DOC2B: variants seen among roughly 807,000 people sequenced by gnomAD.
The protein encoded by DOC2B is double C2 domain beta, also known as double C2-like domain-containing protein beta.
DOC2B carries 21 observed loss-of-function variants against 28.9 expected under a neutral mutation model. The observed-to-expected ratio is 0.73, with a 90% CI of 0.52 to 1.05. The LOEUF is 1.05. Ranked by LOEUF, DOC2B falls within the 50% of genes least tolerant of loss-of-function variation. The pLI is 0.00. For missense variants in DOC2B, 384 were observed against 421.1 expected, an observed-to-expected ratio of 0.91 and a Z score of 0.77; for synonymous variants, 194 against 178.1, an observed-to-expected ratio of 1.09 and a Z score of -0.71.
chr17:152,360 T>C (rs1555521888), intron 6 of DOC2B, among the ~76,000 whole-genome samples: 1 of 152,156 alleles, frequency 6.6e-6, no homozygotes, highest in Non-Finnish European at 1.5e-5. Context: ...TCAGCGATTG[T>C]CACAGGCACT....
intron 1 of DOC2B, among the ~76,000 whole-genome samples, chr17:178,103 T>G (rs1357932274): frequency 6.6e-6 from 1 of 152,252 alleles, no homozygotes; most frequent in African/African-American, 2.4e-5. Flanking sequence ...TTGTTACATG[T>G]GATGCCTGGA....
At chr17:163,786 C>A in intron 3 of DOC2B, 1 of 264,690 alleles carries the variant, frequency 3.8e-6, no homozygotes, top group Admixed American at 4.7e-5. Flanking sequence ...GTTATTTAAC[C>A]ACAGAGTCCT....
intron 1 of DOC2B, among the ~76,000 whole-genome samples, chr17:178,976 C>A (rs551589767): frequency 2.1e-4 from 32 of 152,354 alleles, no homozygotes; most frequent in African/African-American, 7.5e-4. Flanking sequence ...CCACCATGGA[C>A]AAGAGCCAAG....
At chr17:149,395 C>G (rs1220449300) in intron 6 of DOC2B, among the ~76,000 whole-genome samples, 1 of 152,144 alleles carries the variant, frequency 6.6e-6, no homozygotes, top group Non-Finnish European at 1.5e-5. Flanking sequence ...CTTCATCCAC[C>G]GCACTTCTGT....
At chr17:147,614 A>AC (rs1300101054) in intron 8 of DOC2B, 37 bp from the exon 9 acceptor site, 1 of 398,556 alleles carries the variant, frequency 2.5e-6, no homozygotes, top group Non-Finnish European at 4.4e-6. Flanking sequence ...GGGCACAGGG[A>AC]CCCCCAACTC....
intron 2 of DOC2B, among the ~76,000 whole-genome samples, chr17:171,897 C>T (rs1369893677): frequency 1.1e-5 from 1 of 94,032 alleles, no homozygotes; most frequent in African/African-American, 4.4e-5. Flanking sequence ...AGGGGAGCAC[C>T]AGGGGCCGGG....
intron 1 of DOC2B, among the ~76,000 whole-genome samples, chr17:174,136 T>G (rs2040342912): frequency 6.6e-6 from 1 of 152,168 alleles, no homozygotes. Flanking sequence ...GAGCTGGTGA[T>G]GGGAGTGGCA....
intron 2 of DOC2B, among the ~76,000 whole-genome samples, chr17:169,521 G>A (rs978558988): frequency 6.6e-6 from 1 of 152,040 alleles, no homozygotes; most frequent in Non-Finnish European, 1.5e-5. Flanking sequence ...AAAAGTGGTT[G>A]AGGTGGGAAA....
chr17:153,937 A>G (rs1456905164), intron 6 of DOC2B, among the ~76,000 whole-genome samples: 1 of 152,216 alleles, frequency 6.6e-6, no homozygotes, highest in South Asian at 2.1e-4. Context: ...CACACTGCCC[A>G]TGTCCCCTCA....
intron 1 of DOC2B, among the ~76,000 whole-genome samples, chr17:173,897 G>A (rs896548634): frequency 1.6e-4 from 24 of 152,144 alleles, no homozygotes; most frequent in African/African-American, 5.6e-4. Context: ...ATCCAATTAC[G>A]GCCACACCTG....
chr17:176,449 G>A (rs1362377272), intron 1 of DOC2B, among the ~76,000 whole-genome samples: 1 of 152,102 alleles, frequency 6.6e-6, no homozygotes, highest in Non-Finnish European at 1.5e-5. Flanking sequence ...TTGAACTCCC[G>A]GGCTCAAGCA....
intron 1 of DOC2B, among the ~76,000 whole-genome samples, chr17:176,641 G>A (rs760121273): frequency 5.3e-5 from 8 of 152,176 alleles, no homozygotes; most frequent in East Asian, 1.9e-4. Flanking sequence ...GGGCTCAGCC[G>A]CTGCCCTGGA....
rs1360331659 is a variant in DOC2B at position 181,285 on chromosome 17, G to T, written c.195C>A (p.Ala65=). The T allele has an allele frequency of 3.3e-6, 4 of 1,198,122 alleles. No individual in the cohort carries two copies. Among genetic ancestry groups the T allele is most frequent in the East Asian group, 6.9e-5 (2 of 28,818 alleles). 74.2% of individuals were successfully genotyped at this position (1,198,122 alleles called of 1,614,324 possible). The change falls in exon 1 of 9, where the codon GCC becomes GCA. Residue 65 remains alanine, a synonymous_variant. Coordinates refer to ENST00000613549, the MANE Select transcript of DOC2B (RefSeq NM_003585.5). The surrounding 1 kb of genome is among the most constrained non-coding windows in gnomAD (Gnocchi z 7.0). The part of the protein sequence containing the change: ...PPDAPARPAV[A]GAGRRSPSDG... ...CGGAGGGGCTGCGGCGGCCGGCACC[G>T]GCCACAGCCGGGCGCGCGGGGGCGT...
chr17:172,196 A>G (rs2040320078), intron 2 of DOC2B, among the ~76,000 whole-genome samples: 1 of 151,090 alleles, frequency 6.6e-6, no homozygotes, highest in South Asian at 2.1e-4. Flanking sequence ...CCAGTACCCA[A>G]CCCGCCCTCC....
chr17:176,658 T>C (rs1238656025), intron 1 of DOC2B, among the ~76,000 whole-genome samples: 1 of 152,198 alleles, frequency 6.6e-6, no homozygotes, highest in Non-Finnish European at 1.5e-5. Flanking sequence ...TGGAGAGCCC[T>C]CCGAGTTGGA....
At chr17:157,253 C>T (rs1555522683) in intron 5 of DOC2B, among the ~76,000 whole-genome samples, 1 of 152,242 alleles carries the variant, frequency 6.6e-6, no homozygotes, top group Non-Finnish European at 1.5e-5. Context: ...TAATCCACAG[C>T]TCCAGCACCC....
In DOC2B at chr17:156,240, G is replaced by A. The variant is rs1161675775; in HGVS notation, c.903C>T (p.Tyr301=). ...AHLAAMDANG[Y]SDPYVKTYLR... The stretch of plus-strand genomic sequence containing the variant: ...CTCACGTTTTCACGTAGGGGTCCGA[G>A]TAGCCGTTGGCGTCCATGGCGGCCA... Residue 301 remains tyrosine, a synonymous_variant, in exon 6 of 9, where the codon TAC becomes TAT. Coordinates refer to ENST00000613549, the MANE Select transcript of DOC2B (RefSeq NM_003585.5). 1.3e-6 allele frequency: 2 copies of A among 1,550,610 alleles called. No individual in the cohort carries two copies. Among genetic ancestry groups the A allele is most frequent in the Non-Finnish European group, 1.7e-6 (2 of 1,146,814 alleles).
intron 1 of DOC2B, among the ~76,000 whole-genome samples, chr17:176,592 A>C (rs1367575898): frequency 1.3e-5 from 2 of 152,176 alleles, no homozygotes; most frequent in Non-Finnish European, 2.9e-5. Context: ...AGAAACAAAA[A>C]GAGAGAAAAG....
rs2040014671 is a variant in DOC2B at position 145,845 on chromosome 17, G to C, written c.*1596C>G. On this transcript the variant is annotated 3_prime_UTR_variant, in exon 9 of 9. Coordinates refer to ENST00000613549, the MANE Select transcript of DOC2B (RefSeq NM_003585.5). ...CTCTGGGCTGGGGGCTGTGGATCCT[G>C]GTTCCAGCTGTGTGGGGCCTGGAAG... 6.5e-6 allele frequency: 1 copy of C among 152,744 alleles called. No homozygotes were observed. The highest frequency in any genetic ancestry group is 1.5e-5 in the Non-Finnish European group (1 of 68,448). The allele number at this position is 152,744 out of a possible 1,614,324, so 9.5% of individuals were successfully genotyped here.
Sources: gnomAD v4.1 joint callset for allele counts (sites outside exome capture counted in the v4.1 genomes callset) on GRCh38, gnomAD v4.1.1 for gene constraint, Gnocchi (gnomAD v3.1) non-coding constraint, MANE v1.5 for transcripts, NCBI Gene and HGNC (gene_info 2026-07-23, HGNC 2026-07-21) for gene names.